The following CETN3 variants were observed in gnomAD, a reference collection of about 807,000 sequenced individuals.
The protein encoded by CETN3 is centrin-3.
Under a neutral mutation model 20.1 loss-of-function variants are expected in CETN3, and 17 were observed. That is an observed-to-expected ratio of 0.85 (90% confidence interval 0.58 to 1.27). CETN3 has a LOEUF of 1.27. Ranked by LOEUF, CETN3 falls within the 50% of genes most tolerant of loss-of-function variation. The pLI, the probability that CETN3 is intolerant of heterozygous loss-of-function variation, is 0.00. For synonymous variants in CETN3, 52 were observed against 59.7 expected (o/e 0.87, Z 0.59); for missense variants, 169 against 191.2 (o/e 0.88, Z 0.69).
At chr5:90,405,455 T>C in intron 3 of CETN3, 1 of 495,902 alleles carries the variant, frequency 2.0e-6, no homozygotes, top group East Asian at 3.3e-5. Flanking sequence ...CAATAGTTCC[T>C]TGGTTAGAAT....
chr5:90,400,548 A>G (rs888125892), intron 3 of CETN3, among the ~76,000 whole-genome samples: 2 of 151,496 alleles, frequency 1.3e-5, no homozygotes, highest in South Asian at 4.2e-4. Flanking sequence ...TTACTATGCT[A>G]TTAAAAATAA....
At chr5:90,409,401 G>A (rs774453463) in intron 1 of CETN3, among the ~76,000 whole-genome samples, 2 of 152,120 alleles carry the variant, frequency 1.3e-5, no homozygotes, top group Non-Finnish European at 2.9e-5. Flanking sequence ...CAACCTTCTG[G>A]CAGTCCAAAG....
chr5:90,409,599 C>T, intron 1 of CETN3, 46 bp downstream of exon 1: 5 of 1,612,112 alleles, frequency 3.1e-6, no homozygotes, highest in Non-Finnish European at 3.4e-6. Flanking sequence ...CCTCCCTGGG[C>T]CCCGCTCCGG....
rs745779648 is a variant in CETN3 at position 90,407,713 on chromosome 5, A to C, written c.139T>G (p.Tyr47Asp). 6.5e-7 allele frequency: 1 copy of C among 1,531,148 alleles called. No individual in the cohort carries two copies. The highest frequency in any genetic ancestry group is 1.3e-5 in the South Asian group (1 of 78,678). The allele number at this position is 1,531,148 out of a possible 1,614,324, so 94.8% of individuals were successfully genotyped here. A position where few individuals can be genotyped will look rare whatever the true frequency, so the allele number is the denominator to read the frequency against. Reference sequence around the variant, plus strand: ...TATACCATTACCTTTAATTCATGATAATCTATTGCTTCATCTTTGTCTGTA... The same window carrying C: ...TATACCATTACCTTTAATTCATGATCATCTATTGCTTCATCTTTGTCTGTA... The part of the protein sequence containing the change: ...FDTDKDEAID[Y>D]HELKVAMRAL... Residue 47 changes from tyrosine (Y) to aspartate (D), a missense_variant, in exon 2 of 5, where the codon TAT becomes GAT. Coordinates refer to ENST00000283122, the MANE Select transcript of CETN3 (RefSeq NM_004365.4).
Position 90,405,940 on chromosome 5 carries a change from A to G in CETN3, c.154-141T>C, listed in dbSNP as rs1336583980. ...GCATGTTTTACCTCTTTAAAATAGC[A>G]GTGATAGTGTAATTGTTCTTCACTA... On this transcript the variant is annotated intron_variant, in intron 2 of 4. Coordinates refer to ENST00000283122, the MANE Select transcript of CETN3 (RefSeq NM_004365.4). The G allele has an allele frequency of 1.8e-5, 11 of 609,368 alleles. No homozygotes were observed. In the South Asian group the frequency reaches 2.3e-4, roughly 13 times the overall value. The allele number at this position is 609,368 out of a possible 1,614,324, so 37.7% of individuals were successfully genotyped here.
Position 90,393,936 on chromosome 5 carries a change from T to C in CETN3, c.*128A>G. ...ACTTAACAGTAGTAAAATACAGATA[T>C]ATAAGATGCTTATTTTTGGTCCTTT... On this transcript the variant is annotated 3_prime_UTR_variant, in exon 5 of 5. Coordinates refer to ENST00000283122, the MANE Select transcript of CETN3 (RefSeq NM_004365.4). The C allele has an allele frequency of 1.5e-6, 1 of 673,758 alleles. No individual in the cohort carries two copies. The highest frequency in any genetic ancestry group is 1.7e-5 in the South Asian group (1 of 58,318). 41.7% of individuals were successfully genotyped at this position (673,758 alleles called of 1,614,324 possible).
chr5:90,402,735 C>G (rs1749330311), intron 3 of CETN3, among the ~76,000 whole-genome samples: 1 of 152,206 alleles, frequency 6.6e-6, no homozygotes, highest in Non-Finnish European at 1.5e-5. Context: ...GGTGTACAAG[C>G]AGCAGCTGAA....
chr5:90,399,407 T>A lies in CETN3; in HGVS notation c.411A>T (p.Glu137Asp). 6.2e-7 allele frequency: 1 copy of A among 1,614,066 alleles called. No homozygotes were observed. The highest frequency in any genetic ancestry group is 8.5e-7 in the Non-Finnish European group (1 of 1,179,970). Reference sequence around the variant, plus strand: ...ATTCTTCTATCATAGCTCGAAGTTCTTCATCACTCATGTTTTCACCCAATT... The same window carrying A: ...ATTCTTCTATCATAGCTCGAAGTTCATCATCACTCATGTTTTCACCCAATT... Reference protein sequence around the residue: ...ARELGENMSDEELRAMIEEFD... With the variant: ...ARELGENMSDDELRAMIEEFD... Residue 137 changes from glutamate (E) to aspartate (D), a missense_variant, in exon 4 of 5, where the codon GAA becomes GAT. Glu to Asp is a conservative substitution (Grantham distance 45). Coordinates refer to ENST00000283122, the MANE Select transcript of CETN3 (RefSeq NM_004365.4).
At chr5:90,400,769 T>C (rs957652627) in intron 3 of CETN3, among the ~76,000 whole-genome samples, 1 of 152,158 alleles carries the variant, frequency 6.6e-6, no homozygotes, top group Non-Finnish European at 1.5e-5. Flanking sequence ...ATATTTTCAA[T>C]AGTTTCCTTT....
chr5:90,399,430 A>G lies in CETN3; in HGVS notation c.388T>C (p.Leu130=), dbSNP rs1328615883. 3.7e-6 allele frequency: 6 copies of G among 1,613,910 alleles called. No homozygotes were observed. In the South Asian group the frequency reaches 5.5e-5, roughly 15 times the overall value. ...LRNLRRVARE[L]GENMSDEELR... ...TCTTCATCACTCATGTTTTCACCCA[A>G]TTCTCTAGCAACACGTCGCAAATTC... The change falls in exon 4 of 5, where the codon TTG becomes CTG. Residue 130 remains leucine (L), a synonymous_variant. Coordinates refer to ENST00000283122, the MANE Select transcript of CETN3 (RefSeq NM_004365.4).
Position 90,393,095 on chromosome 5 carries a change from A to T in CETN3, c.*969T>A, listed in dbSNP as rs1245870927. On this transcript the variant is annotated 3_prime_UTR_variant, in exon 5 of 5. Coordinates refer to ENST00000283122, the MANE Select transcript of CETN3 (RefSeq NM_004365.4). ...CTATTTTTTTCTATGATCGATCTCC[A>T]TAACCACTTGTTTCCCCCTAACATA... 1.3e-5 allele frequency: 2 copies of T among 152,202 alleles called. No homozygotes were observed. Among genetic ancestry groups the T allele is most frequent in the African/African-American group, 4.8e-5 (2 of 41,468 alleles). 9.4% of individuals were successfully genotyped at this position (152,202 alleles called of 1,614,324 possible). A position where few individuals can be genotyped will look rare whatever the true frequency, so the allele number is the denominator to read the frequency against.
At chr5:90,398,938 C>T in intron 4 of CETN3, 1 of 260,692 alleles carries the variant, frequency 3.8e-6, no homozygotes, top group Non-Finnish European at 7.4e-6. Context: ...CAGTAGGCAG[C>T]CAAGGCAAGA....
chr5:90,399,761 G>T (rs889730584), intron 3 of CETN3, among the ~76,000 whole-genome samples: 1 of 151,962 alleles, frequency 6.6e-6, no homozygotes, highest in Admixed American at 6.5e-5. Flanking sequence ...TTTTTATCAT[G>T]AGCAACTTGT....
At chr5:90,405,833 G>A in intron 2 of CETN3, 34 bp from the exon 3 acceptor site, 2 of 1,273,328 alleles carry the variant, frequency 1.6e-6, no homozygotes, top group Non-Finnish European at 2.3e-6. Context: ...AAATTATAAA[G>A]CACTCTTTAC....
chr5:90,393,997 C>T lies in CETN3; in HGVS notation c.*67G>A. Reference sequence around the variant, plus strand: ...AACTAAGTTGGTTTTTTTCACATGGCTCCAGGCACAAAAATAGAATATAAG... The same window carrying T: ...AACTAAGTTGGTTTTTTTCACATGGTTCCAGGCACAAAAATAGAATATAAG... On this transcript the variant is annotated 3_prime_UTR_variant, in exon 5 of 5. Coordinates refer to ENST00000283122, the MANE Select transcript of CETN3 (RefSeq NM_004365.4). 1 of 1,140,420 alleles carries T rather than the reference C, an allele frequency of 8.8e-7. No individual in the cohort carries two copies. Among genetic ancestry groups the T allele is most frequent in the East Asian group, 2.4e-5 (1 of 40,892 alleles). 70.6% of individuals were successfully genotyped at this position (1,140,420 alleles called of 1,614,324 possible). A position where few individuals can be genotyped will look rare whatever the true frequency, so the allele number is the denominator to read the frequency against.
rs540167628 is a variant in CETN3, at chr5:90,394,002, G to A, written c.*62C>T. ...AGTTGGTTTTTTTCACATGGCTCCA[G>A]GCACAAAAATAGAATATAAGATGGT... On this transcript the variant is annotated 3_prime_UTR_variant, in exon 5 of 5. Coordinates refer to ENST00000283122, the MANE Select transcript of CETN3 (RefSeq NM_004365.4). The A allele has an allele frequency of 1.0e-4, 121 of 1,184,228 alleles. No homozygotes were observed. The East Asian group carries it at 2.7e-3, about 26-fold the overall frequency. The allele number at this position is 1,184,228 out of a possible 1,614,324, so 73.4% of individuals were successfully genotyped here.
Position 90,405,787 on chromosome 5 carries a change from C to G in CETN3, c.166G>C (p.Ala56Pro). ...DYHELKVAMR[A>P]LGFDVKKADV... is the part of the protein sequence containing the mutation. ...GCTTTTTTTACATCAAACCCCAAGGCTCTCATTGCCACCTTTTGGATTAAA... is the reference window on the plus strand; with the variant it reads ...GCTTTTTTTACATCAAACCCCAAGGGTCTCATTGCCACCTTTTGGATTAAA... Residue 56 changes from alanine to proline, a missense_variant, in exon 3 of 5, where the codon GCC becomes CCC. Physicochemically the swap from Ala to Pro is conservative, Grantham distance 27 (BLOSUM62 -1). Transcript: ENST00000283122. 1 of 1,605,260 alleles carries G rather than the reference C, an allele frequency of 6.2e-7. No homozygotes were observed. Among genetic ancestry groups the G allele is most frequent in the South Asian group, 1.1e-5 (1 of 89,258 alleles).
At chr5:90,396,795 C>T (rs960211652) in intron 4 of CETN3, among the ~76,000 whole-genome samples, 5 of 151,988 alleles carry the variant, frequency 3.3e-5, no homozygotes, top group Non-Finnish European at 7.4e-5. Flanking sequence ...TGTTTATATA[C>T]AAAAACTTTA....
intron 3 of CETN3, among the ~76,000 whole-genome samples, chr5:90,404,015 CAA>C (rs1388012172): frequency 2.0e-5 from 3 of 150,876 alleles, no homozygotes; most frequent in Non-Finnish European, 4.4e-5. Flanking sequence ...AAAATATACA[CAA>C]AGTCTATTTT....
Sources: gnomAD v4.1 joint callset for allele counts (sites outside exome capture counted in the v4.1 genomes callset) on GRCh38, gnomAD v4.1.1 for gene constraint, MANE v1.5 for transcripts, NCBI Gene and HGNC (gene_info 2026-07-23, HGNC 2026-07-21) for gene names.